SLC25A42: variants seen among roughly 807,000 people sequenced by gnomAD.
The protein encoded by SLC25A42 is mitochondrial coenzyme A transporter SLC25A42.
A neutral mutation model predicts 34.7 loss-of-function variants in SLC25A42; 19 were observed. The ratio of observed to expected loss-of-function variants is 0.55; its 90% CI spans 0.38 to 0.80. The LOEUF (loss-of-function observed/expected upper bound fraction) is 0.80, where lower values mean the gene tolerates loss of function less well. Among genes scored for constraint, SLC25A42 ranks in the 30% least tolerant of loss-of-function variants. SLC25A42 has a pLI of 0.00. For missense variants in SLC25A42, 364 were observed against 441.3 expected (o/e 0.82, Z 1.57); for synonymous variants, 205 against 191.2 (o/e 1.07, Z -0.59).
intron 1 of SLC25A42, among the ~76,000 whole-genome samples, chr19:19,086,615 G>A (rs909629493): frequency 3.9e-5 from 6 of 151,942 alleles, no homozygotes; most frequent in Admixed American, 3.9e-4. Flanking sequence ...ACAACATGTT[G>A]TGTGGTTTTG....
chr19:19,069,889 G>C (rs1324343640), intron 1 of SLC25A42, among the ~76,000 whole-genome samples: 1 of 151,504 alleles, frequency 6.6e-6, no homozygotes, highest in African/African-American at 2.4e-5. Flanking sequence ...GCAGTGGTGC[G>C]ATCTTCGCTC....
rs749606569 is a variant in SLC25A42, at chr19:19,110,897, G to A, written c.*21G>A. 5 of 1,612,852 alleles carry A rather than the reference G, an allele frequency of 3.1e-6. No homozygotes were observed. Among genetic ancestry groups the A allele is most frequent in the Non-Finnish European group, 4.2e-6 (5 of 1,179,590 alleles). ...GCTAGGGGACCCTGAGCTGCTCTCA[G>A]GACGGTGGACCGGTGACCCCTTTGT... On this transcript the variant is annotated 3_prime_UTR_variant, in exon 8 of 8. Coordinates refer to ENST00000318596, the MANE Select transcript of SLC25A42 (RefSeq NM_178526.5).
intron 1 of SLC25A42, among the ~76,000 whole-genome samples, chr19:19,091,503 A>G (rs1460065112): frequency 6.6e-6 from 1 of 152,106 alleles, no homozygotes; most frequent in East Asian, 1.9e-4. Flanking sequence ...GGTAGTTTGT[A>G]TCACTAATTA....
intron 5 of SLC25A42, 196 bp from the exon 6 acceptor site, chr19:19,106,073 G>A (rs1408876050): frequency 3.5e-6 from 2 of 574,172 alleles, no homozygotes; most frequent in Non-Finnish European, 6.2e-6. Context: ...AGGGAAGGCA[G>A]CCATGTAAAC....
intron 1 of SLC25A42, among the ~76,000 whole-genome samples, chr19:19,071,390 G>T (rs1172183797): frequency 6.6e-6 from 1 of 152,162 alleles, no homozygotes; most frequent in Non-Finnish European, 1.5e-5. Flanking sequence ...GTCTCAGAAG[G>T]ATGGGGAGCA....
rs974591890 is a variant in SLC25A42 at position 19,081,362 on chromosome 19, C to T, written c.-34-14729C>T. ...AGGAAGTGACACCCCAACAACAGAACCTGGAAAGAAGTGTTTCCAGTGCCA... is the reference window on the plus strand; with the variant it reads ...AGGAAGTGACACCCCAACAACAGAATCTGGAAAGAAGTGTTTCCAGTGCCA... On this transcript the variant is annotated intron_variant, in intron 1 of 7. Coordinates refer to ENST00000318596, the MANE Select transcript of SLC25A42 (RefSeq NM_178526.5). This position sits in a 1 kb window ranked among gnomAD's most constrained non-coding sequence, Gnocchi z 4.5. Among the ~76,000 whole-genome samples, 3 of 152,122 alleles carry T rather than the reference C, an allele frequency of 2.0e-5. No homozygotes were observed. Among genetic ancestry groups the T allele is most frequent in the Admixed American group, 6.5e-5 (1 of 15,274 alleles).
intron 1 of SLC25A42, among the ~76,000 whole-genome samples, chr19:19,078,472 C>G (rs1421390556): frequency 2.0e-5 from 3 of 152,176 alleles, no homozygotes; most frequent in Non-Finnish European, 4.4e-5. Context: ...CCCCATGTCC[C>G]TCCTCCCACA....
Position 19,110,552 on chromosome 19 carries a change from C to G in SLC25A42, c.650-17C>G. ...CCTCGCGGCGCCTTCACGGCCCTCCCGCCCCTCGCCCTGCAGAGTACAGCG... is the reference window on the plus strand; with the variant it reads ...CCTCGCGGCGCCTTCACGGCCCTCCGGCCCCTCGCCCTGCAGAGTACAGCG... On this transcript the variant is annotated splice_polypyrimidine_tract_variant and intron_variant, in intron 7 of 7. Coordinates refer to ENST00000318596, the MANE Select transcript of SLC25A42 (RefSeq NM_178526.5). The G allele has an allele frequency of 4.3e-6, 6 of 1,382,332 alleles. No individual in the cohort carries two copies. The highest frequency in any genetic ancestry group is 5.6e-6 in the Non-Finnish European group (6 of 1,075,774). 85.6% of individuals were successfully genotyped at this position (1,382,332 alleles called of 1,614,324 possible). A position where few individuals can be genotyped will look rare whatever the true frequency, so the allele number is the denominator to read the frequency against.
intron 1 of SLC25A42, among the ~76,000 whole-genome samples, chr19:19,074,236 A>G (rs1214987337): frequency 6.6e-6 from 1 of 152,216 alleles, no homozygotes; most frequent in Non-Finnish European, 1.5e-5. Context: ...TGCCTTAACC[A>G]AAGATTGTCT....
intron 1 of SLC25A42, among the ~76,000 whole-genome samples, chr19:19,083,385 G>T (rs777341686): frequency 2.0e-5 from 3 of 152,224 alleles, no homozygotes; most frequent in Non-Finnish European, 4.4e-5. Context: ...CATATTCATG[G>T]TGTCTAGGGT....
intron 1 of SLC25A42, among the ~76,000 whole-genome samples, chr19:19,087,734 A>G (rs1466033155): frequency 2.0e-5 from 3 of 152,252 alleles, no homozygotes; most frequent in Admixed American, 1.3e-4. Flanking sequence ...GCTACTTGGA[A>G]AAACAAAGAC....
At chr19:19,067,419 A>G (rs1047347902) in intron 1 of SLC25A42, among the ~76,000 whole-genome samples, 1 of 151,704 alleles carries the variant, frequency 6.6e-6, no homozygotes, top group Non-Finnish European at 1.5e-5. Flanking sequence ...CTATCTCTAT[A>G]AAAAAAATTT....
intron 3 of SLC25A42, among the ~76,000 whole-genome samples, chr19:19,103,365 G>A (rs573270200): frequency 1.2e-4 from 19 of 152,288 alleles, no homozygotes; most frequent in African/African-American, 4.6e-4. Context: ...AAAGTGCTGG[G>A]ATTATGGGCA....
intron 1 of SLC25A42, among the ~76,000 whole-genome samples, chr19:19,068,103 C>A (rs2059611428): frequency 6.6e-6 from 1 of 152,186 alleles, no homozygotes; most frequent in African/African-American, 2.4e-5. Context: ...CACCTGTAAT[C>A]CCAGCACTTT....
intron 2 of SLC25A42, among the ~76,000 whole-genome samples, chr19:19,097,567 T>C (rs551466367): frequency 6.6e-6 from 1 of 152,308 alleles, no homozygotes; most frequent in East Asian, 1.9e-4. Flanking sequence ...ACATGCCCAT[T>C]CTCCTCTGTA....
At chr19:19,094,923 G>A (rs546216782) in intron 1 of SLC25A42, among the ~76,000 whole-genome samples, 288 of 152,050 alleles carry the variant, frequency 1.9e-3, no homozygotes, top group Non-Finnish European at 3.2e-3. Flanking sequence ...AGTCGGACGC[G>A]GTGGCTCATG....
At chr19:19,080,714 G>A (rs2059677056) in intron 1 of SLC25A42, among the ~76,000 whole-genome samples, 1 of 152,060 alleles carries the variant, frequency 6.6e-6, no homozygotes, top group Non-Finnish European at 1.5e-5. Flanking sequence ...CATGAGCTTA[G>A]TTTGAGACCA....
At chr19:19,077,315 T>C (rs1267697551) in intron 1 of SLC25A42, among the ~76,000 whole-genome samples, 1 of 152,236 alleles carries the variant, frequency 6.6e-6, no homozygotes, top group Admixed American at 6.5e-5. Flanking sequence ...TCTCCACAAC[T>C]CTTCCGTCTT....
intron 2 of SLC25A42, among the ~76,000 whole-genome samples, chr19:19,096,863 G>A (rs2059768254): frequency 6.6e-6 from 1 of 152,056 alleles, no homozygotes; most frequent in Admixed American, 6.5e-5. Context: ...CTTGAACCTG[G>A]AAGGCAGAGG....
Sources: allele counts gnomAD v4.1 joint callset (sites outside exome capture counted in the v4.1 genomes callset), GRCh38; gene constraint gnomAD v4.1.1; non-coding constraint Gnocchi (gnomAD v3.1); transcripts MANE v1.5; gene names NCBI Gene and HGNC (gene_info 2026-07-23, HGNC 2026-07-21).